The following CCM2L variants were observed in gnomAD, a reference collection of about 807,000 sequenced individuals.
CCM2L encodes CCM2 like scaffold protein.
A neutral mutation model predicts 54.1 loss-of-function variants in CCM2L; 36 were observed. That is an observed-to-expected ratio of 0.67 (90% confidence interval 0.51 to 0.88). The LOEUF (loss-of-function observed/expected upper bound fraction) is 0.88, where lower values mean the gene tolerates loss of function less well. CCM2L is among the 40% of genes least tolerant of loss of function. The probability of loss-of-function intolerance (pLI) is 0.00; values close to 1 mark genes in which losing one functional copy is unlikely to be tolerated. For synonymous variants in CCM2L, 351 were observed against 359.3 expected (o/e 0.98, Z 0.26); for missense variants, 700 against 812.1 (o/e 0.86, Z 1.68).
Position 32,018,174 on chromosome 20 carries a change from GGGGGCGGGGGCGGGGGA to G in CCM2L, c.466+29_466+45del, listed in dbSNP as rs754374760. 86 of 997,536 alleles carry G rather than the reference GGGGGCGGGGGCGGGGGA, an allele frequency of 8.6e-5. 1 individual carries two copies. Among genetic ancestry groups the G allele is most frequent in the Middle Eastern group, 8.8e-4 (2 of 2,270 alleles). The allele number at this position is 997,536 out of a possible 1,614,324, so 61.8% of individuals were successfully genotyped here. On this transcript the variant is annotated intron_variant, in intron 4 of 9. Coordinates refer to ENST00000452892, the MANE Select transcript of CCM2L (RefSeq NM_001365692.1). ...AGTGCTCAAGACCGGTGCGGCGGGA[GGGGGCGGGGGCGGGGGA>G]GGGGCGGGGGCGGGGGCGGGGGAGG...
chr20:32,020,550 C>CCT (rs1317803271), intron 5 of CCM2L, among the ~76,000 whole-genome samples: 2 of 152,232 alleles, frequency 1.3e-5, no homozygotes, highest in Non-Finnish European at 2.9e-5. Context: ...CCCCCAAAAC[C>CCT]TGCCACTCCC....
At chr20:32,018,881 G>A in intron 4 of CCM2L, 62 bp from the exon 5 acceptor site, 2 of 1,242,622 alleles carry the variant, frequency 1.6e-6, no homozygotes, top group Non-Finnish European at 2.0e-6. Context: ...GCCGGCCTCG[G>A]CGGGGCGGGG....
chr20:32,011,402 C>T (rs992961057), intron 1 of CCM2L, among the ~76,000 whole-genome samples: 4 of 151,962 alleles, frequency 2.6e-5, no homozygotes, highest in Admixed American at 6.6e-5. Flanking sequence ...GTCAGGGGTT[C>T]GAGACCAGCC....
chr20:32,022,835 T>C, intron 6 of CCM2L, 40 bp downstream of exon 6: 1 of 1,605,608 alleles, frequency 6.2e-7, no homozygotes, highest in Non-Finnish European at 8.5e-7. Context: ...CTGTGAAACA[T>C]CCCAAAAAGG....
chr20:32,012,175 A>G (rs748347178), intron 1 of CCM2L, among the ~76,000 whole-genome samples: 1 of 152,096 alleles, frequency 6.6e-6, no homozygotes, highest in Non-Finnish European at 1.5e-5. Flanking sequence ...CTGAGTACCC[A>G]TAAGAATCAC....
chr20:32,010,560 T>TGGGGGAAAAGGGGGGGGGGGGG, intron 1 of CCM2L, 76 bp downstream of exon 1: 1 of 105,750 alleles, frequency 9.5e-6, no homozygotes, highest in Non-Finnish European at 1.8e-5. Flanking sequence ...TGGGGCGGGG[T>TGGGGGAAAAGGGGGGGGGGGGG]GGGGGGTCGG....
chr20:32,015,949 C>T (rs1323178693), intron 2 of CCM2L, among the ~76,000 whole-genome samples: 2 of 150,488 alleles, frequency 1.3e-5, no homozygotes, highest in Non-Finnish European at 2.9e-5. Flanking sequence ...CTCCGCCTCC[C>T]GGGCTCAAAC....
chr20:32,016,004 G>A (rs999785988), intron 2 of CCM2L, among the ~76,000 whole-genome samples: 6 of 151,840 alleles, frequency 4.0e-5, no homozygotes, highest in South Asian at 2.1e-4. Flanking sequence ...CTACCGGCAC[G>A]CACCACCACA....
At position 32,017,972 on chromosome 20, in the gene CCM2L, C is replaced by A. The variant is rs1216805484; in HGVS notation, c.283-7C>A. On this transcript the variant is annotated splice_region_variant and splice_polypyrimidine_tract_variant and intron_variant, in intron 3 of 9. Coordinates refer to ENST00000452892, the MANE Select transcript of CCM2L (RefSeq NM_001365692.1). ...CTCGGGAACTCGAGATCTGCCCCTC[C>A]CTGCAGCAGCTGAAGGAGCTGCCGC... 9 of 1,613,546 alleles carry A rather than the reference C, an allele frequency of 5.6e-6. No individual in the cohort carries two copies. In the South Asian group the frequency reaches 9.9e-5, roughly 18 times the overall value.
intron 2 of CCM2L, among the ~76,000 whole-genome samples, chr20:32,015,298 T>G (rs1214669492): frequency 6.6e-6 from 1 of 152,032 alleles, no homozygotes; most frequent in African/African-American, 2.4e-5. Flanking sequence ...CTACCCCCAG[T>G]GGAGAGTGGA....
chr20:32,031,239 TGACGACGAC>T lies in CCM2L; in HGVS notation c.1650_1658del (p.Asp550_Asp552del), dbSNP rs139704146. 3.1e-6 allele frequency: 4 copies of T among 1,298,900 alleles called. No individual in the cohort carries two copies. Among genetic ancestry groups the T allele is most frequent in the African/African-American group, 1.5e-5 (1 of 65,736 alleles). 80.5% of individuals were successfully genotyped at this position (1,298,900 alleles called of 1,614,324 possible). ...ACGACATCGAGGCGCTGGCCCCCGA[TGACGACGAC>T]GACGACGAGGATGAGCCCCGGGGCT... On this transcript the variant is annotated inframe_deletion, in exon 10 of 10. Transcript: ENST00000452892.
intron 6 of CCM2L, among the ~76,000 whole-genome samples, chr20:32,023,280 A>G (rs1329032130): frequency 6.6e-6 from 1 of 152,196 alleles, no homozygotes; most frequent in African/African-American, 2.4e-5. Context: ...ATCAGTTTTC[A>G]TGATGATCTC....
rs1232501702 is a variant in CCM2L, at chr20:32,031,160, C to T, written c.1562C>T (p.Ala521Val). The T allele has an allele frequency of 1.5e-6, 2 of 1,302,534 alleles. No homozygotes were observed. Among genetic ancestry groups the T allele is most frequent in the Middle Eastern group, 2.1e-4 (1 of 4,714 alleles). 80.7% of individuals were successfully genotyped at this position (1,302,534 alleles called of 1,614,324 possible). The change falls in exon 10 of 10, where the codon GCG becomes GTG. Residue 521 changes from alanine to valine, a missense_variant. Transcript: ENST00000452892. ...SASAVRSYDG[A>V]AQRPEAQAFH... ...TCCGCAGTGCGCAGCTACGATGGCG[C>T]GGCGCAGCGGCCCGAGGCACAGGCC...
intron 4 of CCM2L, 80 bp downstream of exon 4, chr20:32,018,242 CA>C (rs2064761055): frequency 2.4e-6 from 1 of 418,748 alleles, no homozygotes; most frequent in African/African-American, 3.5e-5. Context: ...GGGGCAGGGG[CA>C]GGGGCAGGGG....
rs1045462566 is a variant in CCM2L, at chr20:32,030,937, C to T, written c.1403-64C>T. 3.1e-6 allele frequency: 4 copies of T among 1,271,334 alleles called. No homozygotes were observed. The Admixed American group carries it at 7.6e-5, about 24-fold the overall frequency. 78.8% of individuals were successfully genotyped at this position (1,271,334 alleles called of 1,614,324 possible). On this transcript the variant is annotated intron_variant, in intron 9 of 9. Coordinates refer to ENST00000452892, the MANE Select transcript of CCM2L (RefSeq NM_001365692.1). ...TTTGCACCCAGATCTGCAGAGAGGA[C>T]GCTTCCCCTGTGGAAGGGAAAGGGA...
intron 4 of CCM2L, 55 bp from the exon 5 acceptor site, chr20:32,018,888 G>T: frequency 1.6e-6 from 2 of 1,238,222 alleles, no homozygotes; most frequent in Non-Finnish European, 2.0e-6. Context: ...TCGGCGGGGC[G>T]GGGGGGTCTC....
chr20:32,016,023 A>AT (rs2064738944), intron 2 of CCM2L, among the ~76,000 whole-genome samples: 1 of 151,626 alleles, frequency 6.6e-6, no homozygotes, highest in Non-Finnish European at 1.5e-5. Flanking sequence ...CACGCAGCTA[A>AT]TTTTTTTGTA....
chr20:32,016,192 T>C (rs1568911930), intron 2 of CCM2L, among the ~76,000 whole-genome samples: 1 of 151,876 alleles, frequency 6.6e-6, no homozygotes, highest in South Asian at 2.1e-4. Context: ...TGGATCTTCA[T>C]TTAGCCTAAA....
chr20:32,025,842 T>C lies in CCM2L; in HGVS notation c.1070-14T>C. On this transcript the variant is annotated splice_polypyrimidine_tract_variant and intron_variant, in intron 6 of 9. Coordinates refer to ENST00000452892, the MANE Select transcript of CCM2L (RefSeq NM_001365692.1). ...TTTGCTGCCTCTGACAGTCCCTCTGTCTGCTGGTCCCAGGTGAGAGCTGCC... is the reference window on the plus strand; with the variant it reads ...TTTGCTGCCTCTGACAGTCCCTCTGCCTGCTGGTCCCAGGTGAGAGCTGCC... 1 of 1,303,512 alleles carries C rather than the reference T, an allele frequency of 7.7e-7. No homozygotes were observed. The highest frequency in any genetic ancestry group is 1.0e-6 in the Non-Finnish European group (1 of 988,786). The allele number at this position is 1,303,512 out of a possible 1,614,324, so 80.7% of individuals were successfully genotyped here.
Sources: allele counts gnomAD v4.1 joint callset (sites outside exome capture counted in the v4.1 genomes callset), GRCh38; gene constraint gnomAD v4.1.1; transcripts MANE v1.5; gene names NCBI Gene and HGNC (gene_info 2026-07-23, HGNC 2026-07-21).